The following ATF7IP2 variants were observed in gnomAD, a reference collection of about 807,000 sequenced individuals.
ATF7IP2 encodes the protein activating transcription factor 7 interacting protein 2.
Under a neutral mutation model 64.2 loss-of-function variants are expected in ATF7IP2, and 42 were observed. That is an observed-to-expected ratio of 0.65 (90% CI 0.51 to 0.85). ATF7IP2 has a LOEUF of 0.85. ATF7IP2 is among the 40% of genes least tolerant of loss of function. ATF7IP2 has a pLI of 0.00. For synonymous variants in ATF7IP2, 308 were observed against 272.8 expected (o/e 1.13, Z -1.27); for missense variants, 933 against 784.2 (o/e 1.19, Z -2.27).
intron 2 of ATF7IP2, among the ~76,000 whole-genome samples, chr16:10,416,198 C>T (rs1202418892): frequency 6.6e-6 from 1 of 152,142 alleles, no homozygotes. Context: ...TGGAAGCAAC[C>T]TAAGTGCTCA....
intron 1 of ATF7IP2, among the ~76,000 whole-genome samples, chr16:10,396,109 A>G (rs910771317): frequency 1.3e-5 from 2 of 152,218 alleles, no homozygotes; most frequent in African/African-American, 4.8e-5. Context: ...ATTTCCATAT[A>G]CTTGCAAAGA....
intron 9 of ATF7IP2, among the ~76,000 whole-genome samples, chr16:10,470,523 C>T (rs1057087773): frequency 6.6e-6 from 1 of 152,114 alleles, no homozygotes; most frequent in African/African-American, 2.4e-5. Flanking sequence ...ATGGCTTACA[C>T]TTATAATCCC....
intron 9 of ATF7IP2, among the ~76,000 whole-genome samples, chr16:10,462,170 G>C (rs969973385): frequency 6.6e-6 from 1 of 151,952 alleles, no homozygotes; most frequent in African/African-American, 2.4e-5. Flanking sequence ...GAATACTTTA[G>C]CTTTGTTTAC....
intron 12 of ATF7IP2, among the ~76,000 whole-genome samples, chr16:10,476,083 A>G (rs537007310): frequency 6.6e-6 from 1 of 152,366 alleles, no homozygotes; most frequent in East Asian, 1.9e-4. Flanking sequence ...TATTTTAAAT[A>G]TTCAGCTGTT....
intron 2 of ATF7IP2, among the ~76,000 whole-genome samples, chr16:10,415,567 G>C (rs948794443): frequency 4.6e-5 from 7 of 152,144 alleles, no homozygotes; most frequent in African/African-American, 1.4e-4. Context: ...CTGGGCAAAA[G>C]AATTTTCATA....
chr16:10,438,965 A>T (rs950279319), intron 7 of ATF7IP2, among the ~76,000 whole-genome samples: 18 of 147,224 alleles, frequency 1.2e-4, no homozygotes, highest in African/African-American at 4.5e-4. Flanking sequence ...AGGCAGGAGA[A>T]TTGCTTGAAC....
chr16:10,431,885 G>A (rs546310681), intron 5 of ATF7IP2, among the ~76,000 whole-genome samples: 29 of 147,824 alleles, frequency 2.0e-4, no homozygotes, highest in South Asian at 1.3e-3. Flanking sequence ...GTGCAGTGGC[G>A]CGATCTTGGC....
At chr16:10,467,224 G>A (rs1048814810) in intron 9 of ATF7IP2, among the ~76,000 whole-genome samples, 2 of 152,060 alleles carry the variant, frequency 1.3e-5, no homozygotes, top group Non-Finnish European at 2.9e-5. Context: ...CTTCACCTTG[G>A]TGGGTCCCAA....
At chr16:10,477,169 G>C (rs1434009425) in intron 12 of ATF7IP2, among the ~76,000 whole-genome samples, 1 of 152,194 alleles carries the variant, frequency 6.6e-6, no homozygotes, top group African/African-American at 2.4e-5. Flanking sequence ...TACAGAATGG[G>C]AGAAAATTTT....
intron 1 of ATF7IP2, among the ~76,000 whole-genome samples, chr16:10,413,364 C>T (rs2047809543): frequency 6.6e-6 from 1 of 152,132 alleles, no homozygotes; most frequent in Non-Finnish European, 1.5e-5. Context: ...TTGCTGCTTC[C>T]TCATTTTTCT....
At chr16:10,457,242 T>G (rs1032229665) in intron 8 of ATF7IP2, 130 bp from the exon 9 acceptor site, 4 of 735,550 alleles carry the variant, frequency 5.4e-6, no homozygotes, top group Non-Finnish European at 4.4e-6. Context: ...TCATCAGCCA[T>G]CGAAATACAT....
At position 10,482,087 on chromosome 16, in the gene ATF7IP2, T is replaced by G. The variant is rs1358569852; in HGVS notation, c.1887T>G (p.Ile629Met). ...NSNNKLIWKK[I>M]GEIKALPLPM... is the part of the protein sequence containing the mutation. ...ATAATAAGTTGATTTGGAAGAAGAT[T>G]GGAGAAATTAAAGCTTTACCACTCC... The change falls in exon 14 of 14, where the codon ATT (isoleucine) becomes ATG (methionine). Residue 629 changes from isoleucine to methionine, a missense_variant. Transcript: ENST00000562102. The G allele has an allele frequency of 3.7e-6, 6 of 1,614,146 alleles. No individual in the cohort carries two copies. In the East Asian group the frequency reaches 8.9e-5, roughly 24 times the overall value.
At chr16:10,477,558 A>T (rs568755904) in intron 12 of ATF7IP2, among the ~76,000 whole-genome samples, 2 of 152,330 alleles carry the variant, frequency 1.3e-5, no homozygotes, top group African/African-American at 4.8e-5. Context: ...TCCCTTTGAA[A>T]ACTGGAAGCA....
chr16:10,440,927 G>A (rs2141929430), intron 8 of ATF7IP2, among the ~76,000 whole-genome samples: 1 of 152,202 alleles, frequency 6.6e-6, no homozygotes, highest in African/African-American at 2.4e-5. Context: ...ACAGGCCCTG[G>A]TGTGTGGTGT....
rs1486185539 is a variant in ATF7IP2, at chr16:10,481,974, A to T, written c.1774A>T (p.Ile592Phe). 30 of 1,614,102 alleles carry T rather than the reference A, an allele frequency of 1.9e-5. No individual in the cohort carries two copies. The highest frequency in any genetic ancestry group is 2.5e-5 in the Non-Finnish European group (30 of 1,180,010). ...GAAACGGGTTTTCAGACCCAATGGC[A>T]TTGCCCTGACTTGGAATATAACCAA... ...KVKRVFRPNG[I>F]ALTWNITKIN... Residue 592 changes from isoleucine (I) to phenylalanine (F), a missense_variant, in exon 14 of 14, where the codon ATT (isoleucine) becomes TTT (phenylalanine). By Grantham distance (21) the Ile-to-Phe change is conservative. Transcript: ENST00000562102.
rs568407672 is a variant in ATF7IP2, at chr16:10,454,732, A to G, written c.1195-2640A>G. On this transcript the variant is annotated intron_variant, in intron 8 of 13. Coordinates refer to ENST00000562102, the MANE Select transcript of ATF7IP2 (RefSeq NM_001393719.1). ...TTCTAAGCATCTTCTTAGTGGTTAG[A>G]TTATGTACTTCTTAATGCAAATATT... Among the ~76,000 whole-genome samples, 3 of 152,300 alleles carry G rather than the reference A, an allele frequency of 2.0e-5. No individual in the cohort carries two copies. The South Asian group carries it at 6.2e-4, about 32-fold the overall frequency.
rs778176604 is a variant in ATF7IP2 at position 10,440,452 on chromosome 16, G to C, written c.1184G>C (p.Gly395Ala). Reference protein sequence around the residue: ...CLKPNMLSSNGASKVANSEAM... With the variant: ...CLKPNMLSSNAASKVANSEAM... ...AAACCAAACATGTTATCCAGTAATG[G>C]AGCCTCTAAGGTTTGTATAAACACA... Residue 395 changes from glycine (G) to alanine (A), a missense_variant, in exon 8 of 14, where the codon GGA becomes GCA. Transcript: ENST00000562102. The C allele has an allele frequency of 2.6e-6, 4 of 1,530,930 alleles. No homozygotes were observed. The East Asian group carries it at 9.4e-5, about 36-fold the overall frequency. The allele number at this position is 1,530,930 out of a possible 1,614,324, so 94.8% of individuals were successfully genotyped here.
At position 10,431,289 on chromosome 16, in the gene ATF7IP2, C is replaced by G. The variant is rs375021338; in HGVS notation, c.669C>G (p.Asp223Glu). The change falls in exon 5 of 14, where the codon GAC becomes GAG. Residue 223 changes from aspartate to glutamate, a missense_variant. By Grantham distance (45) the Asp-to-Glu change is conservative. Coordinates refer to ENST00000562102, the MANE Select transcript of ATF7IP2 (RefSeq NM_001393719.1). ...GTGACAACATTTTATGTTCAGAAGA[C>G]TCAGGTTTTGTGCCTGTTGAGAAAA... ...RQSDNILCSE[D>E]SGFVPVEKTP... 5 of 1,614,196 alleles carry G rather than the reference C, an allele frequency of 3.1e-6. No individual in the cohort carries two copies. The highest frequency in any genetic ancestry group is 2.5e-6 in the Non-Finnish European group (3 of 1,180,026).
At chr16:10,410,352 G>GT (rs1555505552) in intron 1 of ATF7IP2, among the ~76,000 whole-genome samples, 4 of 129,984 alleles carry the variant, frequency 3.1e-5, no homozygotes, top group East Asian at 4.4e-4. Context: ...GTTTTGTTTT[G>GT]TTTTGTTTTT....
Sources: gnomAD v4.1 joint callset for allele counts (sites outside exome capture counted in the v4.1 genomes callset) on GRCh38, gnomAD v4.1.1 for gene constraint, MANE v1.5 for transcripts, NCBI Gene and HGNC (gene_info 2026-07-23, HGNC 2026-07-21) for gene names.